GPR39: variants seen among roughly 807,000 people sequenced by gnomAD.
GPR39 encodes zinc sensing receptor.
Under a neutral mutation model 18.4 loss-of-function variants are expected in GPR39, and 23 were observed. That is an observed-to-expected ratio of 1.25 (90% CI 0.90 to 1.77). The LOEUF (loss-of-function observed/expected upper bound fraction) is 1.77, where lower values mean the gene tolerates loss of function less well. GPR39 is among the 40% of genes most tolerant of loss of function. The pLI is 0.00. For synonymous variants in GPR39, 280 were observed against 257.9 expected, an observed-to-expected ratio of 1.09 and a Z score of -0.82; for missense variants, 647 against 602.4, an observed-to-expected ratio of 1.07 and a Z score of -0.78.
intron 1 of GPR39, among the ~76,000 whole-genome samples, chr2:132,546,594 GT>G (rs1264427554): frequency 6.6e-6 from 1 of 152,108 alleles, no homozygotes; most frequent in African/African-American, 2.4e-5. Flanking sequence ...CACCAGCAGA[GT>G]GAAGATGTGG....
At chr2:132,641,493 G>A (rs1472009526) in intron 1 of GPR39, among the ~76,000 whole-genome samples, 2 of 152,062 alleles carry the variant, frequency 1.3e-5, no homozygotes, top group Admixed American at 1.3e-4. Context: ...TCTTTTAGTG[G>A]GTGCTGTCCA....
At chr2:132,465,171 G>A (rs533343181) in intron 1 of GPR39, among the ~76,000 whole-genome samples, 1 of 152,164 alleles carries the variant, frequency 6.6e-6, no homozygotes, top group East Asian at 1.9e-4. Flanking sequence ...CACTCAATGA[G>A]AAGGTTAAAA....
rs1682012277 is a variant in GPR39 at position 132,645,473 on chromosome 2, T to G, written c.1229T>G (p.Leu410Ter). The change falls in exon 2 of 2, where the codon TTA becomes TGA. Residue 410 changes from leucine to a stop codon, truncating the protein, a stop_gained. Coordinates refer to ENST00000329321, the MANE Select transcript of GPR39 (RefSeq NM_001508.3). LOFTEE classifies it low-confidence loss of function (END_TRUNC). ...GCAAGGAGAACTGAGAAGATTTTCT[T>G]AAGCACTTTTCAGAGCGAGGCCGAG... ...SSARRTEKIF[L>*]STFQSEAEPQ... is the part of the protein sequence containing the mutation. 4 of 1,614,020 alleles carry G rather than the reference T, an allele frequency of 2.5e-6. No individual in the cohort carries two copies. The highest frequency in any genetic ancestry group is 2.5e-6 in the Non-Finnish European group (3 of 1,180,026).
At chr2:132,502,107 C>A (rs528426613) in intron 1 of GPR39, among the ~76,000 whole-genome samples, 1 of 152,228 alleles carries the variant, frequency 6.6e-6, no homozygotes, top group East Asian at 1.9e-4. Flanking sequence ...AGGTACTATT[C>A]TATTCATCGT....
At chr2:132,535,814 A>T (rs1487128570) in intron 1 of GPR39, among the ~76,000 whole-genome samples, 3 of 151,390 alleles carry the variant, frequency 2.0e-5, no homozygotes, top group East Asian at 1.9e-4. Flanking sequence ...GTGTCCAGGA[A>T]TTTATCCGTT....
intron 1 of GPR39, among the ~76,000 whole-genome samples, chr2:132,601,168 C>A (rs928556829): frequency 1.3e-5 from 2 of 151,990 alleles, no homozygotes; most frequent in Admixed American, 6.6e-5. Context: ...AGTACACACA[C>A]CTCTAGGTGA....
intron 1 of GPR39, among the ~76,000 whole-genome samples, chr2:132,426,564 G>A (rs1019254348): frequency 6.6e-6 from 1 of 152,212 alleles, no homozygotes; most frequent in African/African-American, 2.4e-5. Context: ...GATGGAAAAA[G>A]TGTGTCAGGG....
In GPR39 at chr2:132,479,204, T is replaced by C. The variant is rs146970696; in HGVS notation, c.856+61306T>C. The stretch of plus-strand genomic sequence containing the variant: ...CCAGGCACTGCGGAGGATAGACGAT[T>C]GAACAGGACTTAGTCTATGGCCTTA... On this transcript the variant is annotated intron_variant, in intron 1 of 1. Transcript: ENST00000329321. Among the ~76,000 whole-genome samples, 602 of 152,302 alleles carry C rather than the reference T, an allele frequency of 4.0e-3. 6 individuals carry two copies. Among genetic ancestry groups the C allele is most frequent in the African/African-American group, 0.014 (575 of 41,576 alleles).
intron 1 of GPR39, among the ~76,000 whole-genome samples, chr2:132,557,443 G>A (rs75990823): frequency 0.03 from 4,589 of 152,264 alleles, 238 homozygotes; most frequent in African/African-American, 0.11. Flanking sequence ...TCTTTCTCTT[G>A]CAGAAAACAC....
chr2:132,508,548 C>T (rs1428977137), intron 1 of GPR39, among the ~76,000 whole-genome samples: 1 of 151,308 alleles, frequency 6.6e-6, no homozygotes, highest in Non-Finnish European at 1.5e-5. Context: ...GACTGGAAGC[C>T]ACATATTTGG....
intron 1 of GPR39, among the ~76,000 whole-genome samples, chr2:132,620,541 T>G (rs896218424): frequency 6.6e-6 from 1 of 152,128 alleles, no homozygotes; most frequent in Non-Finnish European, 1.5e-5. Flanking sequence ...ACGCCCCTCC[T>G]TCCCCCCTGC....
At chr2:132,631,827 T>TC (rs1018517222) in intron 1 of GPR39, among the ~76,000 whole-genome samples, 7 of 151,314 alleles carry the variant, frequency 4.6e-5, no homozygotes, top group African/African-American at 1.7e-4. Context: ...TCTTCTTCTT[T>TC]TTTTTTTTTT....
chr2:132,534,456 AAATACC>A (rs958245640), intron 1 of GPR39, among the ~76,000 whole-genome samples: 24 of 148,954 alleles, frequency 1.6e-4, no homozygotes, highest in Admixed American at 5.5e-4. Context: ...CTAGAACTAG[AAATACC>A]ATTTGACCCA....
At chr2:132,461,048 C>G (rs1680821858) in intron 1 of GPR39, among the ~76,000 whole-genome samples, 1 of 152,224 alleles carries the variant, frequency 6.6e-6, no homozygotes, top group Admixed American at 6.5e-5. Flanking sequence ...GTATGAGTAA[C>G]TTGGAGGATG....
intron 1 of GPR39, among the ~76,000 whole-genome samples, chr2:132,501,292 G>A (rs56747201): frequency 0.34 from 51,954 of 151,614 alleles, 10,162 homozygotes; most frequent in East Asian, 0.78. Context: ...TTATTGTTCA[G>A]TTCAAAGAAT....
chr2:132,643,755 A>G (rs895659611), intron 1 of GPR39, among the ~76,000 whole-genome samples: 3 of 152,178 alleles, frequency 2.0e-5, no homozygotes, highest in Non-Finnish European at 2.9e-5. Context: ...TCTAGGCTTA[A>G]GTGATCCTTC....
chr2:132,487,109 C>T (rs775639833), intron 1 of GPR39, among the ~76,000 whole-genome samples: 5 of 152,070 alleles, frequency 3.3e-5, no homozygotes, highest in South Asian at 2.1e-4. Flanking sequence ...GGGGAATGGC[C>T]GGTCAGTGGA....
At chr2:132,496,992 A>G (rs945474778) in intron 1 of GPR39, among the ~76,000 whole-genome samples, 1 of 152,176 alleles carries the variant, frequency 6.6e-6, no homozygotes, top group African/African-American at 2.4e-5. Flanking sequence ...ACTTTCATAT[A>G]TATGCAGCCA....
At chr2:132,619,664 A>C (rs1004568147) in intron 1 of GPR39, among the ~76,000 whole-genome samples, 2 of 152,106 alleles carry the variant, frequency 1.3e-5, no homozygotes, top group African/African-American at 4.8e-5. Flanking sequence ...CCTGGGAGGA[A>C]AGGTGGCTGT....
Sources: gnomAD v4.1 joint callset for allele counts (sites outside exome capture counted in the v4.1 genomes callset) on GRCh38, gnomAD v4.1.1 for gene constraint, MANE v1.5 for transcripts, NCBI Gene and HGNC (gene_info 2026-07-23, HGNC 2026-07-21) for gene names.